RUNX1T1: variants seen among roughly 807,000 people sequenced by gnomAD.
The protein encoded by RUNX1T1 is RUNX1 partner transcriptional co-repressor 1.
RUNX1T1 carries 4 observed loss-of-function variants against 62.8 expected under a neutral mutation model. The ratio of observed to expected loss-of-function variants is 0.06; its 90% confidence interval spans 0.03 to 0.15. The LOEUF is 0.15. RUNX1T1 is among the 10% of genes least tolerant of loss of function. The pLI is 1.00. For synonymous variants in RUNX1T1, 291 were observed against 286.0 expected, an observed-to-expected ratio of 1.02 and a Z score of -0.18; for missense variants, 508 against 754.3, an observed-to-expected ratio of 0.67 and a Z score of 3.82.
In RUNX1T1 at chr8:92,079,926, C is replaced by T. The variant is rs187738767; in HGVS notation, c.-85-3789G>A. Among the ~76,000 whole-genome samples the T allele has an allele frequency of 2.0e-4, 30 of 152,296 alleles. 1 individual carries two copies. The East Asian group carries it at 4.1e-3, about 21-fold the overall frequency. ...CCCTCAGGCTTTAGTTCAAGAGTCA[C>T]CACCTGACAGATGATTTCCCCAACC... On this transcript the variant is annotated intron_variant, in intron 1 of 11. Coordinates refer to the RUNX1T1 transcript ENST00000265814.
intron 2 of RUNX1T1, among the ~76,000 whole-genome samples, chr8:92,069,947 A>C (rs974278594): frequency 6.6e-6 from 1 of 152,220 alleles, no homozygotes; most frequent in African/African-American, 2.4e-5. Flanking sequence ...ATAAATTGAC[A>C]CAAGTCCACA....
chr8:92,021,057 G>A (rs756918687), intron 1 of RUNX1T1, among the ~76,000 whole-genome samples: 41 of 152,118 alleles, frequency 2.7e-4, no homozygotes, highest in Non-Finnish European at 5.3e-4. Context: ...TTTTCTATCA[G>A]TTTATCAGGT....
intron 1 of RUNX1T1, among the ~76,000 whole-genome samples, chr8:92,097,934 G>A (rs1466151685): frequency 1.3e-5 from 2 of 152,206 alleles, no homozygotes; most frequent in East Asian, 1.9e-4. Flanking sequence ...AATCACAGAA[G>A]TGTAAAACAG....
intron 1 of RUNX1T1, among the ~76,000 whole-genome samples, chr8:92,053,164 A>G (rs1383551041): frequency 6.6e-6 from 1 of 151,866 alleles, no homozygotes; most frequent in Non-Finnish European, 1.5e-5. Flanking sequence ...TATTATATAT[A>G]GAATGAATTA....
At chr8:92,050,827 A>T (rs1020929364) in intron 1 of RUNX1T1, among the ~76,000 whole-genome samples, 1 of 152,160 alleles carries the variant, frequency 6.6e-6, no homozygotes, top group Non-Finnish European at 1.5e-5. Context: ...TGGCTTCCAG[A>T]CATGCTTAGA....
intron 6 of RUNX1T1, among the ~76,000 whole-genome samples, chr8:91,987,944 TAG>T (rs1361472390): frequency 2.0e-5 from 3 of 152,128 alleles, no homozygotes; most frequent in African/African-American, 7.2e-5. Context: ...GAACAGCAAA[TAG>T]AGTTTCTTAT....
intron 1 of RUNX1T1, among the ~76,000 whole-genome samples, chr8:92,061,448 G>C (rs1021450116): frequency 6.6e-6 from 1 of 152,144 alleles, no homozygotes; most frequent in African/African-American, 2.4e-5. Context: ...CTCAGTCATT[G>C]TCTTTTTGTA....
At chr8:92,095,629 A>G in intron 1 of RUNX1T1, 3 of 1,319,862 alleles carry the variant, frequency 2.3e-6, no homozygotes, top group Non-Finnish European at 3.0e-6. Flanking sequence ...AGAGAGAGAG[A>G]AGACAGAAAG....
intron 1 of RUNX1T1, among the ~76,000 whole-genome samples, chr8:92,098,740 T>G (rs1377644961): frequency 1.3e-5 from 2 of 152,178 alleles, no homozygotes; most frequent in Non-Finnish European, 2.9e-5. Context: ...GAAAACCTCC[T>G]CGAATTTCAT....
chr8:91,977,963 T>C (rs771168698), intron 8 of RUNX1T1, among the ~76,000 whole-genome samples: 1 of 152,046 alleles, frequency 6.6e-6, no homozygotes, highest in African/African-American at 2.4e-5. Context: ...AACCTGTATA[T>C]TTTTAGTAGA....
chr8:91,979,326 T>C (rs1218042540), intron 8 of RUNX1T1, among the ~76,000 whole-genome samples: 1 of 152,270 alleles, frequency 6.6e-6, no homozygotes, highest in South Asian at 2.1e-4. Context: ...TACTGGCTAA[T>C]CTAAACACAT....
chr8:92,018,790 G>A (rs922525182), intron 1 of RUNX1T1, among the ~76,000 whole-genome samples: 1 of 152,176 alleles, frequency 6.6e-6, no homozygotes, highest in African/African-American at 2.4e-5. Flanking sequence ...TAGGGAAGAT[G>A]CAATAAGAGA....
At chr8:92,088,490 T>G (rs1836479920) in intron 1 of RUNX1T1, among the ~76,000 whole-genome samples, 1 of 152,226 alleles carries the variant, frequency 6.6e-6, no homozygotes, top group African/African-American at 2.4e-5. Context: ...CTTCCTAATT[T>G]CTGATACTCC....
At chr8:91,959,693 G>A (rs1054542912) in exon 11 of RUNX1T1, 1 of 228,854 alleles carries the variant, frequency 4.4e-6, no homozygotes. Flanking sequence ...GCGTTTTGTA[G>A]CGGGTCTTCA....
chr8:91,962,973 TA>T (rs1810833349), intron 10 of RUNX1T1, among the ~76,000 whole-genome samples: 1 of 152,214 alleles, frequency 6.6e-6, no homozygotes, highest in Non-Finnish European at 1.5e-5. Flanking sequence ...ATTCTCAATT[TA>T]AACTGATTAA....
intron 1 of RUNX1T1, among the ~76,000 whole-genome samples, chr8:92,097,612 A>AT (rs201304872): frequency 1.8e-4 from 27 of 152,244 alleles, no homozygotes; most frequent in South Asian, 6.2e-4. Flanking sequence ...AAGAAATGCT[A>AT]TTTTTTTAAA....
chr8:92,013,752 G>C (rs1822446970), intron 3 of RUNX1T1, among the ~76,000 whole-genome samples: 4 of 152,196 alleles, frequency 2.6e-5, no homozygotes, highest in Admixed American at 2.0e-4. Context: ...GCAGAACGTA[G>C]TGTAATATGC....
chr8:91,962,245 A>T (rs1002642763), intron 10 of RUNX1T1, among the ~76,000 whole-genome samples: 1 of 152,188 alleles, frequency 6.6e-6, no homozygotes, highest in African/African-American at 2.4e-5. Flanking sequence ...TGCTATGTTG[A>T]GCAGAAAAGC....
intron 1 of RUNX1T1, among the ~76,000 whole-genome samples, chr8:92,038,477 C>G (rs1827831558): frequency 6.6e-6 from 1 of 152,010 alleles, no homozygotes; most frequent in African/African-American, 2.4e-5. Flanking sequence ...CGAGTTCATG[C>G]TGTGGTCAAG....
Sources: allele counts gnomAD v4.1 joint callset (sites outside exome capture counted in the v4.1 genomes callset), GRCh38; gene constraint gnomAD v4.1.1; transcripts MANE v1.5; gene names NCBI Gene and HGNC (gene_info 2026-07-23, HGNC 2026-07-21).